Variants in KANSL1L observed in about 807,000 individuals in gnomAD.
KANSL1L encodes the protein KAT8 regulatory NSL complex subunit 1-like protein.
Under a neutral mutation model 108.6 loss-of-function variants are expected in KANSL1L, and 25 were observed. That is an observed-to-expected ratio of 0.23 (90% confidence interval 0.17 to 0.32). The LOEUF is 0.32. Among genes scored for constraint, KANSL1L ranks in the 10% least tolerant of loss-of-function variants. The pLI is 1.00. For missense variants in KANSL1L, 1,137 were observed against 1,125.7 expected (o/e 1.01, Z -0.14); for synonymous variants, 405 against 395.1 (o/e 1.03, Z -0.30).
chr2:210,144,056 TTC>T (rs1284653326), intron 2 of KANSL1L, among the ~76,000 whole-genome samples: 1 of 152,154 alleles, frequency 6.6e-6, no homozygotes, highest in Non-Finnish European at 1.5e-5. Flanking sequence ...TGGAAAAGTC[TTC>T]TCTCTCCCTT....
intron 10 of KANSL1L, 37 bp downstream of exon 10, chr2:210,029,766 A>T (rs893607576): frequency 9.7e-7 from 1 of 1,026,012 alleles, no homozygotes; most frequent in Non-Finnish European, 1.5e-6. Flanking sequence ...TTTTATTTTT[A>T]AAGCTATTTT....
chr2:210,153,714 G>T lies in KANSL1L; in HGVS notation c.869C>A (p.Thr290Asn). 1 of 1,602,458 alleles carries T rather than the reference G, an allele frequency of 6.2e-7. No individual in the cohort carries two copies. Among genetic ancestry groups the T allele is most frequent in the South Asian group, 1.1e-5 (1 of 88,776 alleles). ...TGTGTTAACTTCTGGCTTAATTTCA[G>T]TGCATTTAGGTAAACTATTACCCAA... ...TILGNSLPKC[T>N]EIKPEVNTLT... Residue 290 changes from threonine to asparagine, a missense_variant, in exon 2 of 15, where the codon ACT (threonine) becomes AAT (asparagine). Physicochemically the swap from Thr to Asn is moderately conservative, Grantham distance 65. Around this residue, in one of 3 missense-constraint regions of KANSL1L, gnomAD observed 556 missense variants for 537.7 expected, o/e 1.03. Coordinates refer to ENST00000281772, the MANE Select transcript of KANSL1L (RefSeq NM_152519.4).
At position 210,167,388 on chromosome 2, in the gene KANSL1L, G is replaced by C. The variant is rs1047308902; in HGVS notation, c.-30+3761C>G. 1.9e-4 allele frequency among the ~76,000 whole-genome samples: 29 copies of C among 152,094 alleles called. 3 individuals are homozygous for C. Among genetic ancestry groups the C allele is most frequent in the Admixed American group, 1.8e-3 (28 of 15,290 alleles). On this transcript the variant is annotated intron_variant, in intron 1 of 14. Coordinates refer to ENST00000281772, the MANE Select transcript of KANSL1L (RefSeq NM_152519.4). The stretch of plus-strand genomic sequence containing the variant: ...TGAAGACTAAAGGAATTTAATTAAA[G>C]ATAAAGCCACTTGGGTGGCTACATA...
chr2:210,094,285 A>C (rs1344138275), intron 5 of KANSL1L, among the ~76,000 whole-genome samples: 2 of 152,144 alleles, frequency 1.3e-5, no homozygotes, highest in Non-Finnish European at 2.9e-5. Context: ...TAAATACATA[A>C]ATAGTATTTA....
rs186125075 is a variant in KANSL1L, at chr2:210,029,756, T to G, written c.2271+47A>C. On this transcript the variant is annotated intron_variant, in intron 10 of 14. Transcript: ENST00000281772. ...ATAAATTATTTTCAAAATCAGGTGTTTTTATTTTTAAAGCTATTTTAGAGT... is the reference window on the plus strand; with the variant it reads ...ATAAATTATTTTCAAAATCAGGTGTGTTTATTTTTAAAGCTATTTTAGAGT... 20 of 947,064 alleles carry G rather than the reference T, an allele frequency of 2.1e-5. 1 individual carries two copies. Among genetic ancestry groups the G allele is most frequent in the Admixed American group, 1.3e-4 (6 of 45,934 alleles). 58.7% of individuals were successfully genotyped at this position (947,064 alleles called of 1,614,324 possible).
intron 5 of KANSL1L, among the ~76,000 whole-genome samples, chr2:210,077,701 G>A (rs896027665): frequency 6.6e-6 from 1 of 152,118 alleles, no homozygotes; most frequent in African/African-American, 2.4e-5. Flanking sequence ...ATGTGTCTAG[G>A]GAAAATTAAA....
upstream of KANSL1L, chr2:210,171,615 C>T (rs1332397953): frequency 6.6e-6 from 1 of 152,394 alleles, no homozygotes; most frequent in African/African-American, 2.4e-5. Flanking sequence ...CCGTGCAGCT[C>T]CTGCTTCCTC....
At chr2:210,117,776 TTA>T (rs1417174922) in intron 3 of KANSL1L, among the ~76,000 whole-genome samples, 1 of 152,112 alleles carries the variant, frequency 6.6e-6, no homozygotes, top group Non-Finnish European at 1.5e-5. Context: ...TAAGAGACTA[TTA>T]TGAAAAAGTA....
chr2:210,077,493 T>C (rs562436136), intron 5 of KANSL1L, among the ~76,000 whole-genome samples: 8 of 152,182 alleles, frequency 5.3e-5, no homozygotes, highest in East Asian at 1.9e-4. Flanking sequence ...ACAGGCTAAG[T>C]GGCTAGCATA....
In KANSL1L at chr2:210,129,036, A is replaced by C. The variant is rs777047441; in HGVS notation, c.1225T>G (p.Ser409Ala). 1 of 1,613,250 alleles carries C rather than the reference A, an allele frequency of 6.2e-7. No homozygotes were observed. The highest frequency in any genetic ancestry group is 1.3e-5 in the African/African-American group (1 of 74,908). The change falls in exon 3 of 15, where the codon TCC becomes GCC. Residue 409 changes from serine (S) to alanine (A), a missense_variant. Ser to Ala is a moderately conservative substitution (Grantham distance 99). Coordinates refer to ENST00000281772, the MANE Select transcript of KANSL1L (RefSeq NM_152519.4). ...AGAACACAGACAGACAATACCTTGG[A>C]GGCACGAATTTGCCTGTGAATGTCT... ...LTDIHRQIRA[S>A]KGIVVLEECQ...
intron 6 of KANSL1L, among the ~76,000 whole-genome samples, chr2:210,063,528 C>T (rs2094440080): frequency 6.6e-6 from 1 of 152,248 alleles, no homozygotes; most frequent in Non-Finnish European, 1.5e-5. Flanking sequence ...GGGGGCTATA[C>T]TCTGCAAAGC....
At chr2:210,114,815 G>A (rs1016041185) in intron 3 of KANSL1L, among the ~76,000 whole-genome samples, 25 of 151,996 alleles carry the variant, frequency 1.6e-4, no homozygotes, top group Non-Finnish European at 1.5e-4. Context: ...GAACAAAGCT[G>A]TAAAGGAAAT....
intron 1 of KANSL1L, among the ~76,000 whole-genome samples, chr2:210,160,392 A>AAGT (rs2095355621): frequency 6.6e-6 from 1 of 152,176 alleles, no homozygotes; most frequent in African/African-American, 2.4e-5. Context: ...AAAGTAAGTA[A>AAGT]AACTGTCTCT....
intron 1 of KANSL1L, among the ~76,000 whole-genome samples, chr2:210,155,010 C>A (rs1439019783): frequency 1.3e-5 from 2 of 152,144 alleles, no homozygotes; most frequent in East Asian, 1.9e-4. Context: ...AATTGCTTAT[C>A]TTTATAAAAT....
intron 5 of KANSL1L, among the ~76,000 whole-genome samples, chr2:210,088,072 C>T (rs1442865537): frequency 6.6e-6 from 1 of 152,094 alleles, no homozygotes; most frequent in Non-Finnish European, 1.5e-5. Flanking sequence ...AAATGCCTGG[C>T]ACACAGAAGT....
At chr2:210,145,398 T>G (rs1353149053) in intron 2 of KANSL1L, among the ~76,000 whole-genome samples, 9 of 152,076 alleles carry the variant, frequency 5.9e-5, no homozygotes, top group Admixed American at 5.9e-4. Context: ...ATATTCAGAG[T>G]GCAGGTTCCA....
chr2:210,064,326 T>G (rs2094447114), intron 6 of KANSL1L: 1 of 152,218 alleles, frequency 6.6e-6, no homozygotes, highest in Non-Finnish European at 1.5e-5. Context: ...CATAATTGCT[T>G]AATAAATATT....
intron 2 of KANSL1L, among the ~76,000 whole-genome samples, chr2:210,145,206 C>T (rs2095257124): frequency 6.6e-6 from 1 of 152,164 alleles, no homozygotes; most frequent in African/African-American, 2.4e-5. Context: ...TTTTCTCCTG[C>T]CAGGAAAGTT....
intron 4 of KANSL1L, among the ~76,000 whole-genome samples, chr2:210,101,120 C>A (rs1165364927): frequency 6.6e-6 from 1 of 152,196 alleles, no homozygotes; most frequent in African/African-American, 2.4e-5. Flanking sequence ...ACTGCTCTCA[C>A]AACTCTTGGT....
Sources: gnomAD v4.1 joint callset for allele counts (sites outside exome capture counted in the v4.1 genomes callset) on GRCh38, gnomAD v4.1.1 for gene constraint, gnomAD v4.1.1 regional missense constraint, MANE v1.5 for transcripts, NCBI Gene and HGNC (gene_info 2026-07-23, HGNC 2026-07-21) for gene names.